CDH13: variants seen among roughly 807,000 people sequenced by gnomAD.
The protein encoded by CDH13 is cadherin-13.
In CDH13, 24 loss-of-function variants were observed where a neutral mutation model predicts 63.8. The observed-to-expected ratio is 0.38, with a 90% CI of 0.27 to 0.53. The LOEUF (loss-of-function observed/expected upper bound fraction) is 0.53. Among genes scored for constraint, CDH13 ranks in the 20% least tolerant of loss-of-function variants. The pLI is 0.85. For synonymous variants in CDH13, 503 were observed against 355.3 expected (o/e 1.42, Z -4.67); for missense variants, 1,049 against 903.1 (o/e 1.16, Z -2.07).
intron 6 of CDH13, among the ~76,000 whole-genome samples, chr16:83,465,630 T>C (rs193153275): frequency 6.6e-6 from 1 of 152,346 alleles, no homozygotes; most frequent in Admixed American, 6.5e-5. Flanking sequence ...TGTGTCGTTC[T>C]AGTGTTGGGG....
At chr16:83,228,989 G>T (rs566299066) in intron 5 of CDH13, among the ~76,000 whole-genome samples, 1 of 152,240 alleles carries the variant, frequency 6.6e-6, no homozygotes, top group African/African-American at 2.4e-5. Flanking sequence ...AATGGGATTA[G>T]TCCAAACTCA....
At chr16:82,660,465 C>G (rs1332518319) in intron 1 of CDH13, among the ~76,000 whole-genome samples, 1 of 152,142 alleles carries the variant, frequency 6.6e-6, no homozygotes, top group African/African-American at 2.4e-5. Flanking sequence ...CAAGAGGGAG[C>G]ACCAGTTGGT....
chr16:83,751,249 T>G (rs1030171184), intron 11 of CDH13, among the ~76,000 whole-genome samples: 2 of 152,194 alleles, frequency 1.3e-5, no homozygotes, highest in Non-Finnish European at 2.9e-5. Context: ...TGCTATGCCA[T>G]GGACTTTGGC....
At chr16:83,219,343 G>A (rs1234431950) in intron 5 of CDH13, among the ~76,000 whole-genome samples, 2 of 152,130 alleles carry the variant, frequency 1.3e-5, no homozygotes, top group African/African-American at 2.4e-5. Flanking sequence ...ATAATATTAC[G>A]GTAGTTAAAA....
intron 5 of CDH13, among the ~76,000 whole-genome samples, chr16:83,331,723 C>A (rs952149165): frequency 6.6e-6 from 1 of 152,098 alleles, no homozygotes; most frequent in Admixed American, 6.5e-5. Context: ...TATGTATACA[C>A]TAGTTTTAGT....
intron 10 of CDH13, among the ~76,000 whole-genome samples, chr16:83,738,542 C>CA (rs1190165419): frequency 6.6e-6 from 1 of 152,218 alleles, no homozygotes; most frequent in Non-Finnish European, 1.5e-5. Flanking sequence ...CCCCCTACCA[C>CA]TGTGCCTACA....
chr16:83,759,525 G>GA (rs11329987), intron 11 of CDH13, among the ~76,000 whole-genome samples: 213 of 148,448 alleles, frequency 1.4e-3, no homozygotes, highest in Non-Finnish European at 2.2e-3. Flanking sequence ...AACCACAAAA[G>GA]AAAAAAAAAA....
intron 6 of CDH13, among the ~76,000 whole-genome samples, chr16:83,362,802 A>G (rs955339396): frequency 6.6e-6 from 1 of 152,200 alleles, no homozygotes; most frequent in Non-Finnish European, 1.5e-5. Flanking sequence ...TCTCTAACAT[A>G]AGCATTCAGT....
At position 83,119,473 on chromosome 16, in the gene CDH13, G is replaced by C. The variant is rs115538456; in HGVS notation, c.367-5912G>C. Among the ~76,000 whole-genome samples the C allele has an allele frequency of 1.5e-3, 224 of 152,246 alleles. 1 individual carries two copies. The highest frequency in any genetic ancestry group is 5.2e-3 in the African/African-American group (214 of 41,548). On this transcript the variant is annotated intron_variant, in intron 3 of 13. Coordinates refer to ENST00000567109, the MANE Select transcript of CDH13 (RefSeq NM_001257.5). The stretch of plus-strand genomic sequence containing the variant: ...CCAAAATGCCTTTTTAAAAGCCTTT[G>C]CCCACTTGGTAATGGCAACACCAGA...
At chr16:83,678,610 A>G in intron 10 of CDH13, 149 bp downstream of exon 10, 2 of 1,048,426 alleles carry the variant, frequency 1.9e-6, no homozygotes, top group Non-Finnish European at 2.7e-6. Flanking sequence ...CATAGAGAGG[A>G]GGTTGTGGCT....
chr16:83,374,746 G>A (rs1445709170), intron 6 of CDH13, among the ~76,000 whole-genome samples: 2 of 152,202 alleles, frequency 1.3e-5, no homozygotes, highest in African/African-American at 4.8e-5. Context: ...ACCTGAGAGT[G>A]TGAAAGAATG....
chr16:82,749,136 C>T (rs2034306226), intron 1 of CDH13, among the ~76,000 whole-genome samples: 1 of 151,524 alleles, frequency 6.6e-6, no homozygotes, highest in Non-Finnish European at 1.5e-5. Context: ...AAAAGCCCGA[C>T]AGAGCCAAGA....
intron 5 of CDH13, among the ~76,000 whole-genome samples, chr16:83,278,931 T>C (rs1433102096): frequency 6.6e-6 from 1 of 152,224 alleles, no homozygotes; most frequent in Non-Finnish European, 1.5e-5. Flanking sequence ...ATAGCCAGCA[T>C]GCTAAGCCTG....
intron 3 of CDH13, among the ~76,000 whole-genome samples, chr16:83,095,596 T>C (rs549200374): frequency 3.3e-5 from 5 of 152,292 alleles, no homozygotes; most frequent in African/African-American, 1.2e-4. Context: ...GCTTATGTAT[T>C]TGGGTACAGA....
chr16:82,797,409 C>T (rs897711208), intron 1 of CDH13, among the ~76,000 whole-genome samples: 7 of 152,156 alleles, frequency 4.6e-5, no homozygotes, highest in African/African-American at 7.2e-5. Context: ...CTCGAGCTGC[C>T]GCCAGACCTT....
intron 1 of CDH13, among the ~76,000 whole-genome samples, chr16:82,834,465 C>G (rs917367889): frequency 2.6e-5 from 4 of 152,046 alleles, no homozygotes; most frequent in Admixed American, 2.0e-4. Flanking sequence ...AAGTTTCCCC[C>G]TCTAAAAAAA....
At chr16:82,936,957 G>A (rs2042687945) in intron 2 of CDH13, among the ~76,000 whole-genome samples, 1 of 152,090 alleles carries the variant, frequency 6.6e-6, no homozygotes, top group African/African-American at 2.4e-5. Flanking sequence ...GGGCCTCTGG[G>A]GTCATGGTCC....
At chr16:83,672,807 G>A (rs1332287306) in intron 9 of CDH13, among the ~76,000 whole-genome samples, 2 of 152,198 alleles carry the variant, frequency 1.3e-5, no homozygotes, top group Non-Finnish European at 2.9e-5. Context: ...ATATGTGATG[G>A]AGATGTCTAT....
At chr16:83,116,055 G>C in intron 3 of CDH13, among the ~76,000 whole-genome samples, 1 of 152,324 alleles carries the variant, frequency 6.6e-6, no homozygotes, top group East Asian at 1.9e-4. Context: ...TGGCTGTTAG[G>C]GAAGGCTTTT....
Sources: gnomAD v4.1 joint callset for allele counts (sites outside exome capture counted in the v4.1 genomes callset) on GRCh38, gnomAD v4.1.1 for gene constraint, MANE v1.5 for transcripts, NCBI Gene and HGNC (gene_info 2026-07-23, HGNC 2026-07-21) for gene names.